SHANK2: variants seen among roughly 807,000 people sequenced by gnomAD.
SHANK2 encodes the protein SH3 and multiple ankyrin repeat domains protein 2.
A neutral mutation model predicts 133.7 loss-of-function variants in SHANK2; 43 were observed. That is an observed-to-expected ratio of 0.32 (90% confidence interval 0.25 to 0.41). The LOEUF (loss-of-function observed/expected upper bound fraction) is 0.41, where lower values mean the gene tolerates loss of function less well. Ranked by LOEUF, SHANK2 falls within the 10% of genes least tolerant of loss-of-function variation. SHANK2 has a pLI of 1.00. For synonymous variants in SHANK2, 1,017 were observed against 952.8 expected, an observed-to-expected ratio of 1.07 and a Z score of -1.24; for missense variants, 1,994 against 2,235.8, an observed-to-expected ratio of 0.89 and a Z score of 2.18.
chr11:70,748,449 T>G lies in SHANK2; in HGVS notation c.1778-49686A>C, dbSNP rs550837043. Among the ~76,000 whole-genome samples, 8 of 152,192 alleles carry G rather than the reference T, an allele frequency of 5.3e-5. No homozygotes were observed. The South Asian group carries it at 1.7e-3, about 32-fold the overall frequency. ...TGGTGGGTGCCTGGCTAATGCCTGG[T>G]GCTCCCTGGAGGGACTGCTGGCAGG... On this transcript the variant is annotated intron_variant, in intron 14 of 25. Transcript: ENST00000601538.
intron 17 of SHANK2, among the ~76,000 whole-genome samples, chr11:70,632,472 T>G (rs505747): frequency 0.99 from 150,827 of 152,226 alleles, 74,737 homozygotes; most frequent in Middle Eastern, 1. Context: ...GTGAAGGCAG[T>G]CTGGGAAACA....
chr11:70,766,646 T>C (rs1402600147), intron 14 of SHANK2, among the ~76,000 whole-genome samples: 1 of 152,184 alleles, frequency 6.6e-6, no homozygotes, highest in Non-Finnish European at 1.5e-5. Flanking sequence ...TGTACGTGGA[T>C]ATCAATGCCC....
chr11:70,489,965 G>C (rs868996149), intron 23 of SHANK2: 1 of 279,568 alleles, frequency 3.6e-6, no homozygotes, highest in African/African-American at 2.2e-5. Flanking sequence ...GGGTTGGCTC[G>C]CACCACCCCG....
At chr11:70,942,784 CA>C (rs1950665539) in intron 10 of SHANK2, 5 of 456,454 alleles carry the variant, frequency 1.1e-5, no homozygotes, top group Non-Finnish European at 1.8e-5. Context: ...CTTAACTCTG[CA>C]CCAAGCTGTA....
intron 11 of SHANK2, among the ~76,000 whole-genome samples, chr11:70,839,360 C>G (rs757664092): frequency 6.6e-6 from 1 of 152,234 alleles, no homozygotes; most frequent in Non-Finnish European, 1.5e-5. Flanking sequence ...TGGCCCTCCC[C>G]ACCCCACTCC....
intron 1 of SHANK2, among the ~76,000 whole-genome samples, chr11:71,229,848 G>A (rs1321024383): frequency 1.3e-5 from 2 of 150,900 alleles, no homozygotes; most frequent in African/African-American, 4.9e-5. Flanking sequence ...TATGCTGAAA[G>A]CTATGCAACA....
chr11:70,537,332 A>G (rs2059557918), intron 17 of SHANK2, among the ~76,000 whole-genome samples: 1 of 152,226 alleles, frequency 6.6e-6, no homozygotes, highest in Non-Finnish European at 1.5e-5. Flanking sequence ...TTATTTGGAA[A>G]AAGTCTTTGC....
At chr11:71,093,661 C>T (rs1179504792) in intron 7 of SHANK2, among the ~76,000 whole-genome samples, 1 of 152,288 alleles carries the variant, frequency 6.6e-6, no homozygotes, top group Middle Eastern at 3.4e-3. Flanking sequence ...CCTGAGGCCT[C>T]CCTGGAAGCA....
Position 70,596,357 on chromosome 11 carries a change from G to GAGCCACGGGCACCAGTTCCGGAAGT in SHANK2, c.2061+63470_2061+63471insACTTCCGGAACTGGTGCCCGTGGCT, listed in dbSNP as rs377038207. On this transcript the variant is annotated intron_variant, in intron 17 of 25. Transcript: ENST00000601538. ...GGGGCATGGGCACCAGTTCCGGAAGGAGCCACAGGCACCAGGCAGAGAAAC... is the reference window on the plus strand; with the variant it reads ...GGGGCATGGGCACCAGTTCCGGAAGGAGCCACGGGCACCAGTTCCGGAAGTAGCCACAGGCACCAGGCAGAGAAAC... Among the ~76,000 whole-genome samples, 925 of 152,294 alleles carry GAGCCACGGGCACCAGTTCCGGAAGT rather than the reference G, an allele frequency of 6.1e-3. 8 individuals carry two copies. The highest frequency in any genetic ancestry group is 0.021 in the African/African-American group (855 of 41,578).
intron 17 of SHANK2, among the ~76,000 whole-genome samples, chr11:70,612,523 T>G (rs1554994574): frequency 1.3e-5 from 2 of 152,206 alleles, no homozygotes; most frequent in African/African-American, 4.8e-5. Flanking sequence ...TATCTTTAGA[T>G]CCATGCATAC....
intron 17 of SHANK2, among the ~76,000 whole-genome samples, chr11:70,653,567 C>CAAAAAAAA (rs1157982312): frequency 1.6e-5 from 1 of 61,780 alleles, no homozygotes; most frequent in Non-Finnish European, 3.5e-5. Context: ...CTCAGCCTTC[C>CAAAAAAAA]AAAAAAAAAA....
At chr11:70,502,048 CGGGGCATGCA>C in intron 19 of SHANK2, 117 bp from the exon 20 acceptor site, 1 of 1,342,774 alleles carries the variant, frequency 7.4e-7, no homozygotes, top group East Asian at 2.5e-5. Flanking sequence ...CATGGGGCTG[CGGGGCATGCA>C]GGGGCATTTC....
chr11:70,708,401 C>T (rs578089130), intron 14 of SHANK2, among the ~76,000 whole-genome samples: 41 of 152,346 alleles, frequency 2.7e-4, no homozygotes, highest in South Asian at 2.5e-3. Flanking sequence ...CCTCCAATCT[C>T]TAAACATTGG....
chr11:70,651,711 C>A (rs184211862), intron 17 of SHANK2, among the ~76,000 whole-genome samples: 1 of 152,162 alleles, frequency 6.6e-6, no homozygotes. Context: ...AGGACAGACC[C>A]TGTTTGTCTT....
intron 2 of SHANK2, among the ~76,000 whole-genome samples, chr11:71,182,958 C>T (rs1458387008): frequency 2.0e-5 from 3 of 152,172 alleles, no homozygotes; most frequent in African/African-American, 7.2e-5. Context: ...GCACGAAAAC[C>T]CTGAGGCTCT....
At chr11:70,704,743 G>C (rs1945620256) in intron 14 of SHANK2, among the ~76,000 whole-genome samples, 2 of 152,218 alleles carry the variant, frequency 1.3e-5, no homozygotes, top group African/African-American at 4.8e-5. Context: ...GGGTCAGGGA[G>C]AGATGGACAC....
intron 17 of SHANK2, among the ~76,000 whole-genome samples, chr11:70,577,804 G>A (rs747470458): frequency 2.0e-5 from 3 of 152,214 alleles, no homozygotes; most frequent in Non-Finnish European, 2.9e-5. Context: ...ACCTCAGAAC[G>A]TGACTGTATT....
chr11:70,918,656 C>T (rs1347342489), intron 10 of SHANK2, among the ~76,000 whole-genome samples: 14 of 151,850 alleles, frequency 9.2e-5, no homozygotes, highest in African/African-American at 3.4e-4. Flanking sequence ...CAGGCGCCCA[C>T]AACTACACCT....
At chr11:70,885,227 C>G (rs1245912622) in intron 11 of SHANK2, among the ~76,000 whole-genome samples, 1 of 149,490 alleles carries the variant, frequency 6.7e-6, no homozygotes, top group Non-Finnish European at 1.5e-5. Context: ...TGGTGAGGGT[C>G]AGGCTAGGGC....
Sources: gnomAD v4.1 joint callset for allele counts (sites outside exome capture counted in the v4.1 genomes callset) on GRCh38, gnomAD v4.1.1 for gene constraint, MANE v1.5 for transcripts, NCBI Gene and HGNC (gene_info 2026-07-23, HGNC 2026-07-21) for gene names.